The following DOK6 variants were observed in gnomAD, a reference collection of about 807,000 sequenced individuals.
DOK6 encodes downstream of tyrosine kinase 6.
A neutral mutation model predicts 44.0 loss-of-function variants in DOK6; 22 were observed. That is an observed-to-expected ratio of 0.50 (90% CI 0.36 to 0.71). The LOEUF is 0.71. Ranked by LOEUF, DOK6 falls within the 30% of genes least tolerant of loss-of-function variation. DOK6 has a pLI of 0.00. For missense variants in DOK6, 340 were observed against 416.4 expected (o/e 0.82, Z 1.60); for synonymous variants, 166 against 145.5 (o/e 1.14, Z -1.01).
chr18:69,801,085 TTTTGTTTTGTTTTGTTTTGTTTTG>T (rs1339275488), intron 7 of DOK6, among the ~76,000 whole-genome samples: 5 of 53,020 alleles, frequency 9.4e-5, no homozygotes, highest in African/African-American at 2.5e-4. Flanking sequence ...TTTACTTTGA[TTTTGTTTTGTTTTGTTTTGTTTTG>T]TTTTGTTTTG....
intron 1 of DOK6, among the ~76,000 whole-genome samples, chr18:69,422,694 G>C (rs2122409863): frequency 6.6e-6 from 1 of 152,172 alleles, no homozygotes; most frequent in Admixed American, 6.5e-5. Flanking sequence ...CACAAGTGTT[G>C]GTGTGACTTT....
chr18:69,800,549 G>T (rs11876031), intron 7 of DOK6, among the ~76,000 whole-genome samples: 18,797 of 152,004 alleles, frequency 0.12, 1,724 homozygotes, highest in African/African-American at 0.25. Flanking sequence ...CTGGTTATTT[G>T]GGGGGAAAAG....
intron 7 of DOK6, among the ~76,000 whole-genome samples, chr18:69,772,551 C>A (rs1568121930): frequency 6.6e-6 from 1 of 151,892 alleles, no homozygotes; most frequent in Non-Finnish European, 1.5e-5. Flanking sequence ...AGCCCAGAAA[C>A]AAATCGCAAC....
intron 1 of DOK6, among the ~76,000 whole-genome samples, chr18:69,447,189 T>G (rs962411250): frequency 3.9e-5 from 6 of 152,244 alleles, no homozygotes; most frequent in African/African-American, 1.4e-4. Flanking sequence ...TGGTTTTAGG[T>G]CTAACATTTA....
chr18:69,532,909 A>ATT (rs1025707483), intron 1 of DOK6: 3 of 152,160 alleles, frequency 2.0e-5, no homozygotes, highest in African/African-American at 7.2e-5. Context: ...TAGAAATGAA[A>ATT]TTTCAGTGGT....
At chr18:69,587,770 A>AC in intron 2 of DOK6, among the ~76,000 whole-genome samples, 1 of 149,174 alleles carries the variant, frequency 6.7e-6, no homozygotes, top group African/African-American at 2.5e-5. Context: ...TGTAAATTTA[A>AC]ACACACACAC....
At chr18:69,532,231 G>A (rs950101298) in intron 1 of DOK6, among the ~76,000 whole-genome samples, 10 of 152,296 alleles carry the variant, frequency 6.6e-5, no homozygotes, top group East Asian at 5.8e-4. Context: ...TTGCCTATCT[G>A]AACAGAGCTC....
At chr18:69,522,212 A>C (rs186519807) in intron 1 of DOK6, among the ~76,000 whole-genome samples, 65 of 151,966 alleles carry the variant, frequency 4.3e-4, no homozygotes, top group Middle Eastern at 6.8e-3. Context: ...AACAAACCAC[A>C]CACACACACA....
intron 1 of DOK6, among the ~76,000 whole-genome samples, chr18:69,501,689 A>G (rs2144548834): frequency 6.6e-6 from 1 of 152,268 alleles, no homozygotes; most frequent in East Asian, 1.9e-4. Flanking sequence ...TTTTCTGATA[A>G]GTCTGTAACC....
chr18:69,560,551 A>C (rs2068822), intron 1 of DOK6, among the ~76,000 whole-genome samples: 47,107 of 151,990 alleles, frequency 0.31, 7,682 homozygotes, highest in East Asian at 0.56. Context: ...GATACTATAT[A>C]TAATTCTCGT....
intron 1 of DOK6, among the ~76,000 whole-genome samples, chr18:69,535,860 C>T (rs1982108824): frequency 6.6e-6 from 1 of 151,932 alleles, no homozygotes; most frequent in Non-Finnish European, 1.5e-5. Flanking sequence ...TCATACTTGG[C>T]CAAATTATCA....
chr18:69,407,926 C>T (rs557455850), intron 1 of DOK6, among the ~76,000 whole-genome samples: 12 of 152,300 alleles, frequency 7.9e-5, no homozygotes, highest in African/African-American at 2.9e-4. Context: ...AATCTCACTA[C>T]ATTTTGTACA....
intron 7 of DOK6, among the ~76,000 whole-genome samples, chr18:69,800,376 T>C (rs957438249): frequency 1.3e-5 from 2 of 152,198 alleles, no homozygotes; most frequent in African/African-American, 2.4e-5. Context: ...TTTTTAGTTC[T>C]TCTTTTCATA....
intron 1 of DOK6, among the ~76,000 whole-genome samples, chr18:69,552,274 G>A (rs1599187847): frequency 6.6e-6 from 1 of 152,038 alleles, no homozygotes; most frequent in Non-Finnish European, 1.5e-5. Context: ...TAAGAACTTG[G>A]TTTAGGACAT....
Position 69,757,763 on chromosome 18 carries a change from C to A in DOK6, c.746C>A (p.Thr249Lys). 1 of 1,613,970 alleles carries A rather than the reference C, an allele frequency of 6.2e-7. No individual in the cohort carries two copies. The highest frequency in any genetic ancestry group is 1.1e-5 in the South Asian group (1 of 91,080). ...LEMEQKARLQTSLTEPMTLSK... is the reference protein window; with the variant it reads ...LEMEQKARLQKSLTEPMTLSK... ...CATTCTTTTCTCTTTTAGCTTCAGACAAGCTTGACTGAACCAATGACATTA... is the reference window on the plus strand; with the variant it reads ...CATTCTTTTCTCTTTTAGCTTCAGAAAAGCTTGACTGAACCAATGACATTA... Residue 249 changes from threonine (T) to lysine (K), a missense_variant, in exon 7 of 8, where the codon ACA (threonine) becomes AAA (lysine). By Grantham distance (78) the Thr-to-Lys change is moderately conservative. Transcript: ENST00000382713.
intron 7 of DOK6, among the ~76,000 whole-genome samples, chr18:69,796,743 G>A (rs1482420002): frequency 6.6e-6 from 1 of 152,102 alleles, no homozygotes; most frequent in Non-Finnish European, 1.5e-5. Context: ...AAGAGGCACA[G>A]TCAATCTCCA....
rs146816445 is a variant in DOK6 at position 69,431,671 on chromosome 18, A to G, written c.66+30361A>G. ...TTTTTAATTTCTCACCATAAATACAAGTGTACACAATTTTCAATGTGTATG... is the reference window on the plus strand; with the variant it reads ...TTTTTAATTTCTCACCATAAATACAGGTGTACACAATTTTCAATGTGTATG... On this transcript the variant is annotated intron_variant, in intron 1 of 7. Transcript: ENST00000382713. Among the ~76,000 whole-genome samples the G allele has an allele frequency of 5.2e-3, 796 of 152,270 alleles. 3 individuals carry two copies. The highest frequency in any genetic ancestry group is 0.017 in the African/African-American group (697 of 41,544).
chr18:69,618,049 C>T (rs1599224867), intron 3 of DOK6, among the ~76,000 whole-genome samples: 1 of 152,220 alleles, frequency 6.6e-6, no homozygotes, highest in South Asian at 2.1e-4. Context: ...AAGAGAGCCA[C>T]GTGGAGATGC....
At chr18:69,798,418 G>C (rs1266667404) in intron 7 of DOK6, among the ~76,000 whole-genome samples, 1 of 152,048 alleles carries the variant, frequency 6.6e-6, no homozygotes, top group African/African-American at 2.4e-5. Flanking sequence ...AATTCATTAA[G>C]CTATCATTTA....
Sources: gnomAD v4.1 joint callset for allele counts (sites outside exome capture counted in the v4.1 genomes callset) on GRCh38, gnomAD v4.1.1 for gene constraint, MANE v1.5 for transcripts, NCBI Gene and HGNC (gene_info 2026-07-23, HGNC 2026-07-21) for gene names.